The following GPRC5B variants were observed in gnomAD, a reference collection of about 807,000 sequenced individuals.
The protein encoded by GPRC5B is G protein-coupled receptor family C group 5 member B.
A neutral mutation model predicts 30.1 loss-of-function variants in GPRC5B; 16 were observed. That is an observed-to-expected ratio of 0.53 (90% CI 0.36 to 0.81). GPRC5B has a LOEUF of 0.81. Among genes scored for constraint, GPRC5B ranks in the 30% least tolerant of loss-of-function variants. The pLI is 0.01. For synonymous variants in GPRC5B, 241 were observed against 239.5 expected (o/e 1.01, Z -0.06); for missense variants, 428 against 544.7 (o/e 0.79, Z 2.13).
At chr16:19,879,274 C>T (rs760782264) in intron 1 of GPRC5B, among the ~76,000 whole-genome samples, 4 of 152,152 alleles carry the variant, frequency 2.6e-5, no homozygotes, top group Non-Finnish European at 4.4e-5. Flanking sequence ...TGCAGGCGTG[C>T]GCTTCTCAAA....
In GPRC5B at chr16:19,872,774, G is replaced by A. The variant is rs1300873375; in HGVS notation, c.72C>T (p.Thr24=). The change falls in exon 2 of 4, where the codon ACC becomes ACT. Residue 24 remains threonine (T), a synonymous_variant. Coordinates refer to ENST00000300571, the MANE Select transcript of GPRC5B (RefSeq NM_016235.3). This position sits in a 1 kb window ranked among gnomAD's most constrained non-coding sequence, Gnocchi z 5.0. The part of the protein sequence containing the change: ...VLTFLLLFVI[T]SVASENASTS... Reference sequence around the variant, plus strand: ...TGCTGGCGTTTTCAGAGGCCACCGAGGTGATCACGAAGAGCAGGAGGAAGG... The same window carrying A: ...TGCTGGCGTTTTCAGAGGCCACCGAAGTGATCACGAAGAGCAGGAGGAAGG... The A allele has an allele frequency of 2.5e-6, 4 of 1,613,602 alleles. No homozygotes were observed. In the Admixed American group the frequency reaches 5.0e-5, roughly 20 times the overall value.
intron 2 of GPRC5B, among the ~76,000 whole-genome samples, chr16:19,870,581 C>G (rs2056708335): frequency 6.6e-6 from 1 of 152,236 alleles, no homozygotes; most frequent in African/African-American, 2.4e-5. Flanking sequence ...CATCTGCCTC[C>G]AGGGCCCAAA....
At position 19,860,547 on chromosome 16, in the gene GPRC5B, G is replaced by A; in HGVS notation, c.1168-3C>T. ...TGACTTGGCGGAGCAGTTGGGATCT[G>A]GAATAACACATAAGGATAACACACT... On this transcript the variant is annotated splice_region_variant and splice_polypyrimidine_tract_variant and intron_variant, in intron 3 of 3. Coordinates refer to ENST00000300571, the MANE Select transcript of GPRC5B (RefSeq NM_016235.3). 1 of 1,586,082 alleles carries A rather than the reference G, an allele frequency of 6.3e-7. No individual in the cohort carries two copies. Among genetic ancestry groups the A allele is most frequent in the East Asian group, 2.2e-5 (1 of 44,742 alleles).
intron 1 of GPRC5B, among the ~76,000 whole-genome samples, chr16:19,884,089 C>G (rs1273962471): frequency 2.0e-5 from 3 of 148,662 alleles, no homozygotes; most frequent in African/African-American, 5.0e-5. Context: ...CACTGCCCCC[C>G]CCGCCATTGT....
At position 19,860,188 on chromosome 16, in the gene GPRC5B, C is replaced by G. The variant is rs1252800160; in HGVS notation, c.*312G>C. The G allele has an allele frequency of 3.5e-6, 1 of 288,466 alleles. No individual in the cohort carries two copies. Among genetic ancestry groups the G allele is most frequent in the Non-Finnish European group, 6.6e-6 (1 of 152,464 alleles). 17.9% of individuals were successfully genotyped at this position (288,466 alleles called of 1,614,324 possible). On this transcript the variant is annotated 3_prime_UTR_variant, in exon 4 of 4. Coordinates refer to ENST00000300571, the MANE Select transcript of GPRC5B (RefSeq NM_016235.3). Reference sequence around the variant, plus strand: ...TCTGTTCTACCCCCAGAGGATGAAACAGTCTTCCCAGCCACATTTTCCAGT... The same window carrying G: ...TCTGTTCTACCCCCAGAGGATGAAAGAGTCTTCCCAGCCACATTTTCCAGT...
chr16:19,873,900 C>T (rs1224948420), intron 1 of GPRC5B, among the ~76,000 whole-genome samples: 1 of 152,134 alleles, frequency 6.6e-6, no homozygotes, highest in Non-Finnish European at 1.5e-5. Flanking sequence ...CTGCCTCAGC[C>T]TCCTGAGTAG....
At chr16:19,883,921 C>A (rs549444294) in intron 1 of GPRC5B, among the ~76,000 whole-genome samples, 1 of 152,296 alleles carries the variant, frequency 6.6e-6, no homozygotes, top group South Asian at 2.1e-4. Context: ...GCTCCCTTTT[C>A]GGCCTAAGCG....
intron 2 of GPRC5B, among the ~76,000 whole-genome samples, chr16:19,865,820 C>T (rs2056661853): frequency 6.6e-6 from 1 of 152,220 alleles, no homozygotes; most frequent in Non-Finnish European, 1.5e-5. Context: ...AAGAACGTCA[C>T]TTAGACCAGC....
In GPRC5B at chr16:19,857,202, C is replaced by T. The variant is rs1811049973; in HGVS notation, c.*3298G>A. The T allele has an allele frequency of 3.9e-6, 1 of 259,694 alleles. No homozygotes were observed. The highest frequency in any genetic ancestry group is 2.3e-5 in the African/African-American group (1 of 42,608). 16.1% of individuals were successfully genotyped at this position (259,694 alleles called of 1,614,324 possible). ...GTGGTTTGCTGTTAACCAAGATTCT[C>T]CCATTTAAAATGCCACAGACCGACC... On this transcript the variant is annotated 3_prime_UTR_variant, in exon 4 of 4. Coordinates refer to ENST00000300571, the MANE Select transcript of GPRC5B (RefSeq NM_016235.3).
rs143438202 is a variant in GPRC5B at position 19,866,083 on chromosome 16, C to A, written c.1031-4110G>T. Reference sequence around the variant, plus strand: ...CTGGGATTACAGGCATGCGCCACCACGCCCGGCTAATTTTTTTGTACTTCT... The same window carrying A: ...CTGGGATTACAGGCATGCGCCACCAAGCCCGGCTAATTTTTTTGTACTTCT... On this transcript the variant is annotated intron_variant, in intron 2 of 3. Coordinates refer to ENST00000300571, the MANE Select transcript of GPRC5B (RefSeq NM_016235.3). Among the ~76,000 whole-genome samples the A allele has an allele frequency of 2.0e-5, 3 of 151,988 alleles. No homozygotes were observed. The East Asian group carries it at 5.8e-4, about 30-fold the overall frequency.
chr16:19,872,309 C>G lies in GPRC5B; in HGVS notation c.537G>C (p.Glu179Asp). Reference sequence around the variant, plus strand: ...CACGCAGCACGGTGAGCACCAGCCACTCCACAGCGATGATGACTTGCACCA... The same window carrying G: ...CACGCAGCACGGTGAGCACCAGCCAGTCCACAGCGATGATGACTTGCACCA... ...LMLVQVIIAVEWLVLTVLRDT... is the reference protein window; with the variant it reads ...LMLVQVIIAVDWLVLTVLRDT... Residue 179 changes from glutamate to aspartate, a missense_variant, in exon 2 of 4, where the codon GAG becomes GAC. Glu to Asp is a conservative substitution (Grantham distance 45, BLOSUM62 2). Transcript: ENST00000300571. The surrounding 1 kb of genome is among the most constrained non-coding windows in gnomAD (Gnocchi z 5.0). 6.2e-7 allele frequency: 1 copy of G among 1,614,116 alleles called. No individual in the cohort carries two copies. The highest frequency in any genetic ancestry group is 8.5e-7 in the Non-Finnish European group (1 of 1,180,042).
Position 19,856,843 on chromosome 16 carries a change from A to C in GPRC5B, c.*3657T>G. 3.0e-6 allele frequency: 1 copy of C among 337,366 alleles called. No homozygotes were observed. The highest frequency in any genetic ancestry group is 5.4e-6 in the Non-Finnish European group (1 of 184,952). The allele number at this position is 337,366 out of a possible 1,614,324, so 20.9% of individuals were successfully genotyped here. A position where few individuals can be genotyped will look rare whatever the true frequency, so the allele number is the denominator to read the frequency against. ...ACACCAGCTGCTGTTAAAATGTACA[A>C]TGAACTCTAGTCCCAAGGAATACAG... On this transcript the variant is annotated 3_prime_UTR_variant, in exon 4 of 4. Coordinates refer to ENST00000300571, the MANE Select transcript of GPRC5B (RefSeq NM_016235.3).
chr16:19,872,750 G>A lies in GPRC5B; in HGVS notation c.96C>T (p.Ser32=). Residue 32 remains serine, a synonymous_variant, in exon 2 of 4, where the codon AGC becomes AGT. Transcript: ENST00000300571. The surrounding 1 kb of genome is among the most constrained non-coding windows in gnomAD (Gnocchi z 5.0). ...VITSVASENA[S]TSRGCGLDLL... ...GGTCCAGCCCACAGCCTCGGGATGT[G>A]CTGGCGTTTTCAGAGGCCACCGAGG... 1.2e-6 allele frequency: 2 copies of A among 1,613,632 alleles called. No individual in the cohort carries two copies. The highest frequency in any genetic ancestry group is 8.5e-7 in the Non-Finnish European group (1 of 1,179,910).
intron 1 of GPRC5B, among the ~76,000 whole-genome samples, chr16:19,877,444 G>T (rs1452275528): frequency 6.6e-6 from 1 of 152,156 alleles, no homozygotes; most frequent in Non-Finnish European, 1.5e-5. Context: ...GGCTGCCCAT[G>T]AGGTGACAGC....
Position 19,872,323 on chromosome 16 carries a change from T to C in GPRC5B, c.523A>G (p.Ile175Val), listed in dbSNP as rs765269260. 6.2e-7 allele frequency: 1 copy of C among 1,614,050 alleles called. No homozygotes were observed. Among genetic ancestry groups the C allele is most frequent in the South Asian group, 1.1e-5 (1 of 91,084 alleles). Residue 175 changes from isoleucine to valine, a missense_variant, in exon 2 of 4, where the codon ATC (isoleucine) becomes GTC (valine). By Grantham distance (29) the Ile-to-Val change is conservative. Coordinates refer to ENST00000300571, the MANE Select transcript of GPRC5B (RefSeq NM_016235.3). The surrounding 1 kb of genome is among the most constrained non-coding windows in gnomAD (Gnocchi z 5.0). ...AGCACCAGCCACTCCACAGCGATGA[T>C]GACTTGCACCAGCATCAGGCACAGC... ...LALCLMLVQVIIAVEWLVLTV... is the reference protein window; with the variant it reads ...LALCLMLVQVVIAVEWLVLTV...
chr16:19,871,348 G>A (rs1456771776), intron 2 of GPRC5B, among the ~76,000 whole-genome samples: 3 of 151,466 alleles, frequency 2.0e-5, no homozygotes, highest in Non-Finnish European at 2.9e-5. Context: ...CCTGCTGGGC[G>A]TGGTGGCTCA....
Position 19,858,582 on chromosome 16 carries a change from C to A in GPRC5B, c.*1918G>T. ...ATGTGTAATGCTGTCGTTTTTTCACCGGACAGGACCGAGGTGTTTGAAGAT... is the reference window on the plus strand; with the variant it reads ...ATGTGTAATGCTGTCGTTTTTTCACAGGACAGGACCGAGGTGTTTGAAGAT... On this transcript the variant is annotated 3_prime_UTR_variant, in exon 4 of 4. Coordinates refer to ENST00000300571, the MANE Select transcript of GPRC5B (RefSeq NM_016235.3). The A allele has an allele frequency of 1.5e-6, 1 of 648,276 alleles. No homozygotes were observed. The highest frequency in any genetic ancestry group is 2.8e-6 in the Non-Finnish European group (1 of 358,310). 40.2% of individuals were successfully genotyped at this position (648,276 alleles called of 1,614,324 possible). A position where few individuals can be genotyped will look rare whatever the true frequency, so the allele number is the denominator to read the frequency against.
At chr16:19,863,305 A>T (rs1320290940) in intron 2 of GPRC5B, among the ~76,000 whole-genome samples, 1 of 151,816 alleles carries the variant, frequency 6.6e-6, no homozygotes, top group Non-Finnish European at 1.5e-5. Context: ...CTACAGACAC[A>T]TGCCACCATG....
At position 19,857,855 on chromosome 16, in the gene GPRC5B, C is replaced by G; in HGVS notation, c.*2645G>C. On this transcript the variant is annotated 3_prime_UTR_variant, in exon 4 of 4. Transcript: ENST00000300571. ...CTTCCCAGTTTGTAAGCTGTCAGAG[C>G]TGACTCCCTTCTCTTCCCACCCTCC... 6.5e-6 allele frequency: 1 copy of G among 153,892 alleles called. No homozygotes were observed. The highest frequency in any genetic ancestry group is 1.4e-5 in the Non-Finnish European group (1 of 69,382). The allele number at this position is 153,892 out of a possible 1,614,324, so 9.5% of individuals were successfully genotyped here.
Sources: gnomAD v4.1 joint callset for allele counts (sites outside exome capture counted in the v4.1 genomes callset) on GRCh38, gnomAD v4.1.1 for gene constraint, Gnocchi (gnomAD v3.1) non-coding constraint, MANE v1.5 for transcripts, NCBI Gene and HGNC (gene_info 2026-07-23, HGNC 2026-07-21) for gene names.